TBCK: variants seen among roughly 807,000 people sequenced by gnomAD.
TBCK encodes the protein TBC1 domain containing kinase.
Under a neutral mutation model 113.4 loss-of-function variants are expected in TBCK, and 99 were observed. The ratio of observed to expected loss-of-function variants is 0.87; its 90% CI spans 0.74 to 1.03. The LOEUF (loss-of-function observed/expected upper bound fraction) is 1.03. Ranked by LOEUF, TBCK falls within the 50% of genes least tolerant of loss-of-function variation. The pLI, the probability that TBCK is intolerant of heterozygous loss-of-function variation, is 0.00. For missense variants in TBCK, 1,045 were observed against 1,061.3 expected (o/e 0.98, Z 0.21); for synonymous variants, 369 against 370.8 (o/e 1.00, Z 0.05).
In TBCK at chr4:106,251,865, C is replaced by A. The variant is rs748204069; in HGVS notation, c.597+1G>T. ...TTATATTAATATTTCTTTATACATA[C>A]CACACAAAGCTCAAATAAAATGATT... On this transcript the variant is annotated splice_donor_variant, in intron 6 of 25. Transcript: ENST00000394708. LOFTEE classifies it high-confidence loss of function. 6.3e-7 allele frequency: 1 copy of A among 1,589,158 alleles called. No individual in the cohort carries two copies. The highest frequency in any genetic ancestry group is 1.2e-5 in the South Asian group (1 of 85,364).
chr4:106,290,770 C>T (rs1054892255), intron 3 of TBCK, among the ~76,000 whole-genome samples: 5 of 152,126 alleles, frequency 3.3e-5, no homozygotes, highest in African/African-American at 1.2e-4. Flanking sequence ...ACAGTTGCTC[C>T]CCATCGCTAC....
intron 23 of TBCK, among the ~76,000 whole-genome samples, chr4:106,161,335 A>T (rs1304818681): frequency 2.0e-5 from 3 of 152,202 alleles, no homozygotes; most frequent in Non-Finnish European, 4.4e-5. Context: ...AACCAGTATT[A>T]GAATTCACGG....
intron 23 of TBCK, among the ~76,000 whole-genome samples, chr4:106,159,409 AG>A: frequency 6.6e-6 from 1 of 152,144 alleles, no homozygotes; most frequent in African/African-American, 2.4e-5. Context: ...AAACACTGTT[AG>A]AACTAATAAT....
intron 24 of TBCK, among the ~76,000 whole-genome samples, chr4:106,098,142 A>G (rs770083990): frequency 6.6e-6 from 1 of 152,076 alleles, no homozygotes; most frequent in Non-Finnish European, 1.5e-5. Context: ...CTGTCACTTT[A>G]CTGCTTTCTG....
intron 25 of TBCK, among the ~76,000 whole-genome samples, chr4:106,047,352 T>C (rs1446783323): frequency 6.6e-6 from 1 of 152,212 alleles, no homozygotes; most frequent in African/African-American, 2.4e-5. Context: ...TTGCACTTTA[T>C]GATAAAGCAT....
chr4:106,311,973 T>C (rs1031115984), intron 1 of TBCK, among the ~76,000 whole-genome samples: 25 of 152,164 alleles, frequency 1.6e-4, no homozygotes, highest in East Asian at 3.9e-4. Context: ...AGTCTTCTAA[T>C]TGAAAACATA....
chr4:106,296,385 C>A (rs761903719), intron 2 of TBCK, among the ~76,000 whole-genome samples: 1 of 151,404 alleles, frequency 6.6e-6, no homozygotes, highest in Non-Finnish European at 1.5e-5. Flanking sequence ...AAAGAAACTG[C>A]GAATAATGAT....
At chr4:106,226,195 A>C (rs1758228419) in intron 19 of TBCK, among the ~76,000 whole-genome samples, 1 of 152,264 alleles carries the variant, frequency 6.6e-6, no homozygotes, top group East Asian at 1.9e-4. Flanking sequence ...CTGCAATTAG[A>C]AAGTGTGGAA....
chr4:106,305,478 C>T (rs1365916492), intron 2 of TBCK, among the ~76,000 whole-genome samples: 4 of 151,780 alleles, frequency 2.6e-5, no homozygotes, highest in Non-Finnish European at 5.9e-5. Context: ...CTTTATCCCA[C>T]CAAAACCTTT....
chr4:106,259,953 A>G (rs1051072526), intron 5 of TBCK, among the ~76,000 whole-genome samples: 4 of 152,022 alleles, frequency 2.6e-5, no homozygotes, highest in African/African-American at 9.6e-5. Flanking sequence ...TTAAACATAG[A>G]CTTTCAGGTA....
intron 3 of TBCK, among the ~76,000 whole-genome samples, chr4:106,265,401 T>C (rs183669169): frequency 6.6e-6 from 1 of 152,102 alleles, no homozygotes; most frequent in East Asian, 1.9e-4. Context: ...GTACTTTCAG[T>C]TATTTTAAGA....
intron 19 of TBCK, among the ~76,000 whole-genome samples, chr4:106,228,681 A>G (rs888962786): frequency 2.6e-5 from 4 of 152,028 alleles, no homozygotes; most frequent in African/African-American, 9.7e-5. Flanking sequence ...AATCTTGGCT[A>G]TCATGAATGG....
At chr4:106,218,258 T>TA (rs1757225888) in intron 19 of TBCK, among the ~76,000 whole-genome samples, 1 of 149,650 alleles carries the variant, frequency 6.7e-6, no homozygotes, top group South Asian at 2.1e-4. Flanking sequence ...CCTAAAACCA[T>TA]AAAAACCCTA....
intron 25 of TBCK, among the ~76,000 whole-genome samples, chr4:106,072,234 T>C (rs1347862732): frequency 1.3e-5 from 2 of 152,222 alleles, no homozygotes; most frequent in African/African-American, 2.4e-5. Flanking sequence ...TGGCTGGTAC[T>C]GGTTGTTCCT....
chr4:106,209,685 A>G (rs1349506668), intron 20 of TBCK, among the ~76,000 whole-genome samples: 4 of 151,974 alleles, frequency 2.6e-5, no homozygotes, highest in Non-Finnish European at 5.9e-5. Flanking sequence ...TATATCACCA[A>G]ATTCTATACA....
chr4:106,239,915 C>T (rs1344415074), intron 12 of TBCK, among the ~76,000 whole-genome samples: 1 of 151,756 alleles, frequency 6.6e-6, no homozygotes, highest in East Asian at 1.9e-4. Flanking sequence ...AAACTAGCAT[C>T]GTGCAGTAAA....
intron 10 of TBCK, among the ~76,000 whole-genome samples, chr4:106,246,428 G>C (rs1053302541): frequency 1.4e-4 from 21 of 152,014 alleles, no homozygotes; most frequent in Admixed American, 2.6e-4. Context: ...AGAATTAAAA[G>C]TCTAAAAGCT....
chr4:106,271,753 A>C (rs1403118658), intron 3 of TBCK, among the ~76,000 whole-genome samples: 31 of 143,566 alleles, frequency 2.2e-4, no homozygotes, highest in African/African-American at 7.7e-4. Flanking sequence ...CTTTGTCCCA[A>C]AAAAAAAAAA....
intron 25 of TBCK, among the ~76,000 whole-genome samples, chr4:106,060,242 G>A (rs1473108615): frequency 6.6e-6 from 1 of 151,790 alleles, no homozygotes; most frequent in East Asian, 1.9e-4. Context: ...TTGATTGGAA[G>A]AAGATGCCAT....
Sources: gnomAD v4.1 joint callset for allele counts (sites outside exome capture counted in the v4.1 genomes callset) on GRCh38, gnomAD v4.1.1 for gene constraint, MANE v1.5 for transcripts, NCBI Gene and HGNC (gene_info 2026-07-23, HGNC 2026-07-21) for gene names.